The following SEMA5B variants were observed in gnomAD, a reference collection of about 807,000 sequenced individuals.
SEMA5B encodes the protein semaphorin-5B.
In SEMA5B, 66 loss-of-function variants were observed where a neutral mutation model predicts 135.0. The observed-to-expected ratio is 0.49, with a 90% CI of 0.40 to 0.60. The LOEUF (loss-of-function observed/expected upper bound fraction) is 0.60, where lower values mean the gene tolerates loss of function less well. Ranked by LOEUF, SEMA5B falls within the 20% of genes least tolerant of loss-of-function variation. The pLI, the probability that SEMA5B is intolerant of heterozygous loss-of-function variation, is 0.00. For missense variants in SEMA5B, 1,501 were observed against 1,566.3 expected (o/e 0.96, Z 0.70); for synonymous variants, 690 against 639.5 (o/e 1.08, Z -1.19).
intron 1 of SEMA5B, among the ~76,000 whole-genome samples, chr3:122,996,010 A>G (rs1942013871): frequency 2.0e-5 from 3 of 152,232 alleles, no homozygotes; most frequent in African/African-American, 7.2e-5. Flanking sequence ...GGTGCTCCGA[A>G]CACCTCAGAA....
intron 5 of SEMA5B, among the ~76,000 whole-genome samples, chr3:122,937,084 C>T (rs757257124): frequency 1.3e-5 from 2 of 152,188 alleles, no homozygotes; most frequent in Non-Finnish European, 2.9e-5. Context: ...TCAGTTGGCT[C>T]CATAATGGGG....
At chr3:122,930,609 G>A (rs1280618135) in intron 5 of SEMA5B, among the ~76,000 whole-genome samples, 3 of 152,238 alleles carry the variant, frequency 2.0e-5, no homozygotes, top group South Asian at 2.1e-4. Context: ...AAGGGTCCTC[G>A]AGTCTCTGAG....
chr3:122,940,428 C>T (rs1336379820), intron 4 of SEMA5B, among the ~76,000 whole-genome samples: 2 of 152,224 alleles, frequency 1.3e-5, no homozygotes, highest in Non-Finnish European at 2.9e-5. Flanking sequence ...GTGTGATGCA[C>T]ATTTAAAGGC....
intron 1 of SEMA5B, among the ~76,000 whole-genome samples, chr3:123,005,827 A>G (rs190385992): frequency 6.6e-6 from 1 of 152,202 alleles, no homozygotes; most frequent in East Asian, 1.9e-4. Flanking sequence ...CCTGCCTACC[A>G]TGCAGACTGT....
intron 1 of SEMA5B, among the ~76,000 whole-genome samples, chr3:123,023,322 G>GCGCACA (rs374839409): frequency 6.9e-6 from 1 of 143,940 alleles, no homozygotes; most frequent in African/African-American, 2.5e-5. Context: ...ACTATTTCCA[G>GCGCACA]CACACACACA....
At chr3:122,910,410 C>T (rs917722334) in intron 22 of SEMA5B, 109 bp from the exon 23 acceptor site, 11 of 1,152,662 alleles carry the variant, frequency 9.5e-6, no homozygotes, top group Admixed American at 4.0e-5. Context: ...ACTCAGACTG[C>T]GGATCCAGTG....
Position 122,915,435 on chromosome 3 carries a change from C to T in SEMA5B, c.1988+5G>A. On this transcript the variant is annotated splice_donor_5th_base_variant and intron_variant, in intron 14 of 22. Transcript: ENST00000357599. ...AGACACCATGTAAACCCTGTCCTCA[C>T]ATACCTGGAGCAGTTGGCGATGTGG... The T allele has an allele frequency of 6.2e-7, 1 of 1,605,094 alleles. No homozygotes were observed. The highest frequency in any genetic ancestry group is 8.5e-7 in the Non-Finnish European group (1 of 1,174,716).
At chr3:122,937,608 AG>A (rs1939355240) in intron 5 of SEMA5B, among the ~76,000 whole-genome samples, 1 of 152,126 alleles carries the variant, frequency 6.6e-6, no homozygotes, top group South Asian at 2.1e-4. Flanking sequence ...GCTTGTCTGT[AG>A]GGCCCTTCAG....
At chr3:122,948,475 A>C (rs1364010426) in intron 3 of SEMA5B, 31 bp downstream of exon 3, 1 of 1,570,142 alleles carries the variant, frequency 6.4e-7, no homozygotes. Flanking sequence ...CGGCCATTGC[A>C]AGACAGGGCC....
At chr3:123,006,051 C>T (rs761191292) in intron 1 of SEMA5B, among the ~76,000 whole-genome samples, 6 of 152,204 alleles carry the variant, frequency 3.9e-5, no homozygotes, top group African/African-American at 7.2e-5. Context: ...CCAGTTCTCA[C>T]GAGACTCAAA....
Position 122,929,037 on chromosome 3 carries a change from C to CA in SEMA5B, c.495dup (p.Glu166Ter). ...CTTTGGCAGGAGCGGCGCGTGTCCT[C>CA]ACTGGAGGCCCACTCTGTGGCCTGG... On this transcript the variant is annotated frameshift_variant, in exon 6 of 23. Transcript: ENST00000357599. LOFTEE classifies it high-confidence loss of function. 1 of 1,612,134 alleles carries CA rather than the reference C, an allele frequency of 6.2e-7. No individual in the cohort carries two copies. Among genetic ancestry groups the CA allele is most frequent in the Non-Finnish European group, 8.5e-7 (1 of 1,180,014 alleles).
chr3:123,016,293 A>G (rs1942554581), intron 1 of SEMA5B, among the ~76,000 whole-genome samples: 1 of 152,232 alleles, frequency 6.6e-6, no homozygotes, highest in Non-Finnish European at 1.5e-5. Context: ...GATGTCGGTA[A>G]GAAGATGCAG....
Position 122,915,497 on chromosome 3 carries a change from G to T in SEMA5B, c.1931C>A (p.Pro644His). 1 of 1,613,888 alleles carries T rather than the reference G, an allele frequency of 6.2e-7. No individual in the cohort carries two copies. Among genetic ancestry groups the T allele is most frequent in the Non-Finnish European group, 8.5e-7 (1 of 1,179,950 alleles). The stretch of plus-strand genomic sequence containing the variant: ...CAGGCAGTCAAGGCCCCCACAGCGG[G>T]GTCGAGGGGAATCACAGGATCGAGC... ...CRARSCDSPR[P>H]RCGGLDCLGP... The change falls in exon 14 of 23, where the codon CCC (proline) becomes CAC (histidine). Residue 644 changes from proline (P) to histidine (H), a missense_variant. Pro to His is a moderately conservative substitution (Grantham distance 77, BLOSUM62 -2). Around this residue, in one of 2 missense-constraint regions of SEMA5B, gnomAD observed 927 missense variants for 881.6 expected, o/e 1.05. Transcript: ENST00000357599.
At chr3:122,929,132 C>G (rs917959840) in intron 5 of SEMA5B, 74 bp from the exon 6 acceptor site, 59 of 1,440,270 alleles carry the variant, frequency 4.1e-5, no homozygotes, top group Non-Finnish European at 5.2e-5. Context: ...GCAGAGCAGG[C>G]AGCAGCCAGT....
chr3:122,977,109 AG>A (rs2107667077), intron 1 of SEMA5B, among the ~76,000 whole-genome samples: 1 of 152,324 alleles, frequency 6.6e-6, no homozygotes, highest in East Asian at 1.9e-4. Flanking sequence ...CTCTGATCCC[AG>A]GTGGGAAACT....
chr3:122,976,137 T>C lies in SEMA5B; in HGVS notation c.-38-14836A>G, dbSNP rs1207554619. 3.9e-6 allele frequency: 6 copies of C among 1,535,154 alleles called. No individual in the cohort carries two copies. The South Asian group carries it at 6.0e-5, about 15-fold the overall frequency. ...CAGATGCAGCATGTGGTTTATACACTCTCATCACTTCCTCACCCTGTGTTG... is the reference window on the plus strand; with the variant it reads ...CAGATGCAGCATGTGGTTTATACACCCTCATCACTTCCTCACCCTGTGTTG... On this transcript the variant is annotated intron_variant, in intron 1 of 22. Transcript: ENST00000357599.
At chr3:123,016,477 G>A (rs927335139) in intron 1 of SEMA5B, among the ~76,000 whole-genome samples, 1 of 152,192 alleles carries the variant, frequency 6.6e-6, no homozygotes, top group African/African-American at 2.4e-5. Flanking sequence ...TACAACGTAA[G>A]TACTACGTAA....
At chr3:122,957,197 T>C (rs772897624) in intron 2 of SEMA5B, among the ~76,000 whole-genome samples, 19 of 152,216 alleles carry the variant, frequency 1.2e-4, no homozygotes, top group Non-Finnish European at 2.2e-4. Context: ...TGTGGTCAGA[T>C]CTGTGCATGC....
intron 1 of SEMA5B, among the ~76,000 whole-genome samples, chr3:122,991,732 G>A (rs1315128627): frequency 6.6e-6 from 1 of 151,754 alleles, no homozygotes; most frequent in Non-Finnish European, 1.5e-5. Context: ...GGTATATTGG[G>A]TGGGGGTGGG....
Sources: gnomAD v4.1 joint callset for allele counts (sites outside exome capture counted in the v4.1 genomes callset) on GRCh38, gnomAD v4.1.1 for gene constraint, gnomAD v4.1.1 regional missense constraint, MANE v1.5 for transcripts, NCBI Gene and HGNC (gene_info 2026-07-23, HGNC 2026-07-21) for gene names.